Variants in ASH1L observed in about 807,000 individuals in gnomAD.
The protein encoded by ASH1L is histone-lysine N-methyltransferase ASH1L.
Under a neutral mutation model 269.0 loss-of-function variants are expected in ASH1L, and 23 were observed. The observed-to-expected ratio is 0.09, with a 90% CI of 0.06 to 0.12. The LOEUF (loss-of-function observed/expected upper bound fraction) is 0.12, where lower values mean the gene tolerates loss of function less well. Among genes scored for constraint, ASH1L ranks in the 10% least tolerant of loss-of-function variants. The probability of loss-of-function intolerance (pLI) is 1.00; values close to 1 mark genes in which losing one functional copy is unlikely to be tolerated. For synonymous variants in ASH1L, 1,187 were observed against 1,253.5 expected, an observed-to-expected ratio of 0.95 and a Z score of 1.12; for missense variants, 2,912 against 3,567.8, an observed-to-expected ratio of 0.82 and a Z score of 4.68.
chr1:155,392,145 A>G (rs1052313864), intron 7 of ASH1L, among the ~76,000 whole-genome samples: 4 of 152,142 alleles, frequency 2.6e-5, no homozygotes, highest in African/African-American at 7.2e-5. Flanking sequence ...CTGGCTGCAT[A>G]TACATAGTTT....
intron 5 of ASH1L, chr1:155,433,306 T>C: frequency 3.2e-6 from 5 of 1,578,962 alleles, no homozygotes; most frequent in Non-Finnish European, 4.3e-6. Context: ...AAGGCCCTCC[T>C]GGAGGGCCAG....
At chr1:155,379,565 C>T (rs1656758997) in intron 8 of ASH1L, among the ~76,000 whole-genome samples, 1 of 152,052 alleles carries the variant, frequency 6.6e-6, no homozygotes, top group Non-Finnish European at 1.5e-5. Context: ...TTTTAGTTAC[C>T]AATATATTTA....
At chr1:155,422,433 A>ACT (rs1660774285) in intron 5 of ASH1L, among the ~76,000 whole-genome samples, 2 of 150,090 alleles carry the variant, frequency 1.3e-5, no homozygotes, top group Admixed American at 6.7e-5. Context: ...TTTTTAGTAG[A>ACT]AGCGGGGTTT....
chr1:155,356,329 TTAC>T (rs1375908732), intron 15 of ASH1L, among the ~76,000 whole-genome samples: 3 of 152,126 alleles, frequency 2.0e-5, no homozygotes, highest in African/African-American at 7.2e-5. Flanking sequence ...TATTTTTAAA[TTAC>T]TTCAAAAAAT....
Position 155,414,729 on chromosome 1 carries a change from T to C in ASH1L, c.6008+1015A>G, listed in dbSNP as rs116566489. Among the ~76,000 whole-genome samples, 1,060 of 152,338 alleles carry C rather than the reference T, an allele frequency of 7.0e-3. 14 individuals are homozygous for C. Among genetic ancestry groups the C allele is most frequent in the African/African-American group, 0.023 (973 of 41,572 alleles). On this transcript the variant is annotated intron_variant, in intron 6 of 27. Transcript: ENST00000392403. ...TCAGAAGCCCTAAACTTTCAAGTTGTTTTGATATATGAAAAATCTTTGTAT... is the reference window on the plus strand; with the variant it reads ...TCAGAAGCCCTAAACTTTCAAGTTGCTTTGATATATGAAAAATCTTTGTAT...
chr1:155,546,321 ACT>A (rs902553448), intron 1 of ASH1L, among the ~76,000 whole-genome samples: 1 of 151,356 alleles, frequency 6.6e-6, no homozygotes, highest in African/African-American at 2.4e-5. Context: ...ACAAAGCGAG[ACT>A]CTGACTCAAA....
Position 155,370,762 on chromosome 1 carries a change from C to A in ASH1L, c.6539+15G>T. On this transcript the variant is annotated intron_variant, in intron 11 of 27. Transcript: ENST00000392403. ...CCTTGGCATTTTATTAGAGTATCATCATTTACCACCGTACCTGAACTCCTG... is the reference window on the plus strand; with the variant it reads ...CCTTGGCATTTTATTAGAGTATCATAATTTACCACCGTACCTGAACTCCTG... The A allele has an allele frequency of 6.2e-7, 1 of 1,614,118 alleles. No individual in the cohort carries two copies. The highest frequency in any genetic ancestry group is 8.5e-7 in the Non-Finnish European group (1 of 1,179,962).
At chr1:155,443,713 GCTTCATT>G (rs1662776979) in intron 4 of ASH1L, among the ~76,000 whole-genome samples, 2 of 152,156 alleles carry the variant, frequency 1.3e-5, no homozygotes, top group South Asian at 4.1e-4. Context: ...TTATTGTACG[GCTTCATT>G]CACACAGCAT....
At position 155,341,984 on chromosome 1, in the gene ASH1L, A is replaced by G; in HGVS notation, c.8412T>C (p.Tyr2804=). ...RNRYPVCTKP[Y]AFDHFPKKLT... is the part of the protein sequence containing the mutation. ...GCTTCTTGGGGAAGTGATCAAAAGC[A>G]TAGGGTTTGGTGCAGACAGGATAGC... Residue 2804 remains tyrosine, a synonymous_variant, in exon 25 of 28, where the codon TAT becomes TAC. Transcript: ENST00000392403. 6.2e-7 allele frequency: 1 copy of G among 1,614,184 alleles called. No homozygotes were observed. The highest frequency in any genetic ancestry group is 8.5e-7 in the Non-Finnish European group (1 of 1,180,028).
At chr1:155,396,730 G>A (rs983887009) in intron 6 of ASH1L, among the ~76,000 whole-genome samples, 3 of 151,748 alleles carry the variant, frequency 2.0e-5, no homozygotes, top group African/African-American at 4.8e-5. Flanking sequence ...TTGGAAGGCC[G>A]AGGCGGGTGG....
Position 155,478,930 on chromosome 1 carries a change from C to G in ASH1L, c.3940G>C (p.Asp1314His). 1 of 1,613,932 alleles carries G rather than the reference C, an allele frequency of 6.2e-7. No individual in the cohort carries two copies. The highest frequency in any genetic ancestry group is 8.5e-7 in the Non-Finnish European group (1 of 1,180,012). The change falls in exon 3 of 28, where the codon GAT (aspartate) becomes CAT (histidine). Residue 1314 changes from aspartate to histidine, a missense_variant. Asp to His is a moderately conservative substitution (Grantham distance 81). Transcript: ENST00000392403. This position sits in a 1 kb window ranked among gnomAD's most constrained non-coding sequence, Gnocchi z 4.6. ...THRSHHFIPR[D>H]LLPTIFRINF... ...ATTCGAAAGATAGTTGGCAGAAGAT[C>G]TCGGGGGATAAAATGATGACTTCGA...
intron 1 of ASH1L, among the ~76,000 whole-genome samples, chr1:155,551,288 A>G (rs146674798): frequency 6.6e-6 from 1 of 152,092 alleles, no homozygotes; most frequent in African/African-American, 2.4e-5. Context: ...GGGGGGAAAA[A>G]TTTTTGTCAC....
At chr1:155,358,999 G>A (rs897686153) in intron 13 of ASH1L, among the ~76,000 whole-genome samples, 24 of 151,914 alleles carry the variant, frequency 1.6e-4, no homozygotes, top group African/African-American at 1.7e-4. Context: ...ACACGCCTGC[G>A]GTCCCAGCTA....
At position 155,433,856 on chromosome 1, in the gene ASH1L, C is replaced by T. The variant is rs752591739; in HGVS notation, c.5828+4471G>A. On this transcript the variant is annotated intron_variant, in intron 5 of 27. Coordinates refer to ENST00000392403, the MANE Select transcript of ASH1L (RefSeq NM_018489.3). Reference sequence around the variant, plus strand: ...TCAGGAGACATGCAAAGCAGAAACCCTCTTGCAGGCTCGAAAGAGAAAGCG... The same window carrying T: ...TCAGGAGACATGCAAAGCAGAAACCTTCTTGCAGGCTCGAAAGAGAAAGCG... 15 of 1,605,204 alleles carry T rather than the reference C, an allele frequency of 9.3e-6. No homozygotes were observed. The African/African-American group carries it at 1.6e-4, about 17-fold the overall frequency.
intron 7 of ASH1L, among the ~76,000 whole-genome samples, chr1:155,385,214 G>A (rs1364191314): frequency 1.3e-5 from 2 of 152,036 alleles, no homozygotes; most frequent in African/African-American, 2.4e-5. Context: ...GAGGTGAGGC[G>A]GGCAGATCAC....
At chr1:155,428,437 C>T (rs1412574548) in intron 5 of ASH1L, among the ~76,000 whole-genome samples, 1 of 100,468 alleles carries the variant, frequency 1.0e-5, no homozygotes, top group South Asian at 3.7e-4. Context: ...AATGAAATTC[C>T]GTCTCAAAAA....
intron 10 of ASH1L, among the ~76,000 whole-genome samples, chr1:155,372,858 T>C (rs993325086): frequency 6.6e-6 from 1 of 152,156 alleles, no homozygotes; most frequent in South Asian, 2.1e-4. Flanking sequence ...ATTACATTAA[T>C]TGAAATGACA....
intron 4 of ASH1L, among the ~76,000 whole-genome samples, chr1:155,446,825 G>A (rs192176580): frequency 4.0e-4 from 60 of 149,738 alleles, no homozygotes; most frequent in Admixed American, 6.7e-4. Context: ...GGGTTTCATC[G>A]TGATCCTGAC....
intron 7 of ASH1L, among the ~76,000 whole-genome samples, chr1:155,382,160 C>T (rs1657027518): frequency 6.7e-6 from 1 of 148,492 alleles, no homozygotes; most frequent in African/African-American, 2.5e-5. Context: ...GAGCCCAGAT[C>T]GTGCCATTAC....
Sources: gnomAD v4.1 joint callset for allele counts (sites outside exome capture counted in the v4.1 genomes callset) on GRCh38, gnomAD v4.1.1 for gene constraint, Gnocchi (gnomAD v3.1) non-coding constraint, MANE v1.5 for transcripts, NCBI Gene and HGNC (gene_info 2026-07-23, HGNC 2026-07-21) for gene names.